GSE1: variants seen among roughly 807,000 people sequenced by gnomAD.
GSE1 encodes Gse1 coiled-coil protein.
GSE1 carries 32 observed loss-of-function variants against 112.6 expected under a neutral mutation model. The observed-to-expected ratio is 0.28, with a 90% CI of 0.21 to 0.38. The LOEUF (loss-of-function observed/expected upper bound fraction) is 0.38. Among genes scored for constraint, GSE1 ranks in the 10% least tolerant of loss-of-function variants. GSE1 has a pLI of 1.00. For missense variants in GSE1, 2,348 were observed against 1,699.2 expected (o/e 1.38, Z -6.71); for synonymous variants, 1,115 against 735.6 (o/e 1.52, Z -8.35).
chr16:85,627,659 G>C (rs1047143287), intron 1 of GSE1, among the ~76,000 whole-genome samples: 1 of 151,638 alleles, frequency 6.6e-6, no homozygotes, highest in African/African-American at 2.4e-5. Flanking sequence ...GTACAGTGCG[G>C]AGACAGCCCC....
intron 1 of GSE1, among the ~76,000 whole-genome samples, chr16:85,257,065 G>A (rs1274058976): frequency 1.3e-5 from 2 of 152,196 alleles, no homozygotes; most frequent in South Asian, 2.1e-4. Context: ...GAAGAGATGA[G>A]GGGTGGATTA....
At chr16:85,331,515 A>T (rs1313699982) in intron 1 of GSE1, among the ~76,000 whole-genome samples, 1 of 115,304 alleles carries the variant, frequency 8.7e-6, no homozygotes, top group Non-Finnish European at 1.9e-5. Flanking sequence ...ATATGTATAT[A>T]TGTGTATATA....
At chr16:85,292,220 C>T (rs927265922) in intron 1 of GSE1, among the ~76,000 whole-genome samples, 2 of 151,786 alleles carry the variant, frequency 1.3e-5, no homozygotes, top group East Asian at 1.9e-4. Flanking sequence ...CTCACTGCAT[C>T]CTCCGCCTCC....
At chr16:85,510,930 A>G (rs768896838) in intron 2 of GSE1, among the ~76,000 whole-genome samples, 2 of 152,144 alleles carry the variant, frequency 1.3e-5, no homozygotes, top group Non-Finnish European at 2.9e-5. Context: ...GCCAACCTTG[A>G]CCACTCTGTC....
intron 1 of GSE1, among the ~76,000 whole-genome samples, chr16:85,589,341 G>A (rs976369469): frequency 6.6e-6 from 1 of 152,176 alleles, no homozygotes; most frequent in African/African-American, 2.4e-5. Context: ...AGAGGGAGAG[G>A]GCTGTGGACC....
At chr16:85,657,065 T>TTGCC (rs1315371724) in intron 7 of GSE1, among the ~76,000 whole-genome samples, 1 of 152,228 alleles carries the variant, frequency 6.6e-6, no homozygotes, top group African/African-American at 2.4e-5. Context: ...GGCAAGAGTT[T>TTGCC]TGCCAGCCAG....
At chr16:85,462,806 G>A (rs1402496257) in intron 2 of GSE1, among the ~76,000 whole-genome samples, 3 of 144,588 alleles carry the variant, frequency 2.1e-5, no homozygotes, top group Non-Finnish European at 4.6e-5. Flanking sequence ...GAAGCCGGGG[G>A]CGCGGGGCCG....
intron 1 of GSE1, among the ~76,000 whole-genome samples, chr16:85,560,721 T>TCCC (rs2045478708): frequency 6.6e-6 from 1 of 151,872 alleles, no homozygotes; most frequent in East Asian, 1.9e-4. Flanking sequence ...TATGCCTAGA[T>TCCC]CCCCCCTTTC....
intron 2 of GSE1, among the ~76,000 whole-genome samples, chr16:85,483,040 A>G (rs921329851): frequency 3.3e-5 from 5 of 152,126 alleles, no homozygotes; most frequent in African/African-American, 1.2e-4. Flanking sequence ...CATCTGGAAG[A>G]TTCCACACAT....
At chr16:85,244,381 T>A (rs1905416689) in intron 1 of GSE1, among the ~76,000 whole-genome samples, 1 of 152,126 alleles carries the variant, frequency 6.6e-6, no homozygotes, top group Non-Finnish European at 1.5e-5. Flanking sequence ...CTCTAGAGCC[T>A]CCAGAAGGAG....
chr16:85,484,204 C>T (rs1012534489), intron 2 of GSE1, among the ~76,000 whole-genome samples: 2 of 152,174 alleles, frequency 1.3e-5, no homozygotes, highest in Admixed American at 6.5e-5. Flanking sequence ...GTGAGCAAGA[C>T]GTGGCCAGGG....
At chr16:85,555,162 A>G, upstream of GSE1, 1 of 985,344 alleles carries the variant, frequency 1.0e-6, no homozygotes, top group Non-Finnish European at 1.2e-6. Context: ...TTTCGCTTTC[A>G]TTAGGGGAGA....
At chr16:85,329,218 C>T (rs983202129) in intron 1 of GSE1, among the ~76,000 whole-genome samples, 11 of 152,198 alleles carry the variant, frequency 7.2e-5, no homozygotes, top group African/African-American at 2.7e-4. Flanking sequence ...AAGGCCTGAG[C>T]TTTTCTGCAC....
chr16:85,418,204 G>T (rs887947050), intron 2 of GSE1, among the ~76,000 whole-genome samples: 2 of 152,240 alleles, frequency 1.3e-5, no homozygotes, highest in African/African-American at 4.8e-5. Context: ...ATGCCAGACG[G>T]AGGCAGGTTG....
At chr16:85,260,448 A>C (rs932694623) in intron 1 of GSE1, among the ~76,000 whole-genome samples, 2 of 147,148 alleles carry the variant, frequency 1.4e-5, no homozygotes, top group African/African-American at 5.1e-5. Flanking sequence ...TCAGCGTCCC[A>C]AGTCGCTGGG....
chr16:85,413,642 C>G (rs1023108255), intron 2 of GSE1, among the ~76,000 whole-genome samples: 1 of 152,160 alleles, frequency 6.6e-6, no homozygotes. Flanking sequence ...GCCTAGCAGA[C>G]TGTACCTTAT....
intron 1 of GSE1, among the ~76,000 whole-genome samples, chr16:85,225,507 G>A (rs751406049): frequency 6.6e-6 from 1 of 152,192 alleles, no homozygotes; most frequent in Non-Finnish European, 1.5e-5. Flanking sequence ...CTCACACTCC[G>A]TGAGAAGGGT....
chr16:85,607,336 G>C (rs538762231), upstream of GSE1, among the ~76,000 whole-genome samples: 1 of 152,208 alleles, frequency 6.6e-6, no homozygotes, highest in African/African-American at 2.4e-5. Flanking sequence ...CAGCCCCGAC[G>C]CACACGGCTT....
chr16:85,577,848 T>G (rs753154906), intron 1 of GSE1, among the ~76,000 whole-genome samples: 3 of 152,192 alleles, frequency 2.0e-5, no homozygotes, highest in African/African-American at 7.2e-5. Context: ...CTCCAGGGGC[T>G]CCAGCATTTT....
Sources: gnomAD v4.1 joint callset for allele counts (sites outside exome capture counted in the v4.1 genomes callset) on GRCh38, gnomAD v4.1.1 for gene constraint, MANE v1.5 for transcripts, NCBI Gene and HGNC (gene_info 2026-07-23, HGNC 2026-07-21) for gene names.